Variants in PTCD2 observed in about 807,000 individuals in gnomAD.
PTCD2 encodes the protein pentatricopeptide repeat-containing protein 2, mitochondrial.
In PTCD2, 31 loss-of-function variants were observed where a neutral mutation model predicts 42.6. The observed-to-expected ratio is 0.73, with a 90% CI of 0.55 to 0.98. The LOEUF (loss-of-function observed/expected upper bound fraction) is 0.98. Among genes scored for constraint, PTCD2 ranks in the 50% least tolerant of loss-of-function variants. The pLI, the probability that PTCD2 is intolerant of heterozygous loss-of-function variation, is 0.00. For missense variants in PTCD2, 476 were observed against 454.8 expected (o/e 1.05, Z -0.42); for synonymous variants, 183 against 170.9 (o/e 1.07, Z -0.55).
intron 6 of PTCD2, among the ~76,000 whole-genome samples, chr5:72,337,491 C>T (rs558945893): frequency 9.2e-5 from 14 of 152,022 alleles, no homozygotes; most frequent in Admixed American, 4.6e-4. Context: ...ACTGCAATGA[C>T]GAGAATTTCA....
intron 1 of PTCD2, 111 bp from the exon 2 acceptor site, chr5:72,322,061 C>G (rs904702471): frequency 6.9e-5 from 44 of 633,844 alleles, no homozygotes; most frequent in Non-Finnish European, 1.2e-4. Flanking sequence ...TTGTACCTGT[C>G]TAATGGATTA....
At chr5:72,348,489 G>T (rs1752469840) in intron 8 of PTCD2, among the ~76,000 whole-genome samples, 1 of 152,138 alleles carries the variant, frequency 6.6e-6, no homozygotes, top group Non-Finnish European at 1.5e-5. Context: ...GTGACCCAGA[G>T]GGCCCAGTTT....
chr5:72,347,689 A>G (rs1752427751), intron 8 of PTCD2, among the ~76,000 whole-genome samples: 1 of 152,186 alleles, frequency 6.6e-6, no homozygotes, highest in African/African-American at 2.4e-5. Context: ...TCTGCCTCCA[A>G]CAACAACAAA....
chr5:72,321,735 T>C (rs7729376), intron 1 of PTCD2, among the ~76,000 whole-genome samples: 103,612 of 152,126 alleles, frequency 0.68, 36,569 homozygotes, highest in African/African-American at 0.87. Flanking sequence ...CCAGTGGTCA[T>C]GCTGCAGCTT....
chr5:72,326,783 T>TA, intron 3 of PTCD2, 42 bp downstream of exon 3: 1 of 1,597,038 alleles, frequency 6.3e-7, no homozygotes, highest in Non-Finnish European at 8.6e-7. Context: ...TATCCCTTCT[T>TA]ACTCTGTTCC....
intron 3 of PTCD2, among the ~76,000 whole-genome samples, chr5:72,328,700 A>T (rs1751271556): frequency 6.6e-6 from 1 of 151,696 alleles, no homozygotes; most frequent in Non-Finnish European, 1.5e-5. Context: ...CTGTGTAATT[A>T]TTTTCTAAAT....
chr5:72,347,944 A>G (rs1752441622), intron 8 of PTCD2, among the ~76,000 whole-genome samples: 1 of 152,194 alleles, frequency 6.6e-6, no homozygotes, highest in African/African-American at 2.4e-5. Flanking sequence ...CAAGGACTCC[A>G]TAAGTAACTT....
At chr5:72,352,471 G>C (rs530224636) in intron 8 of PTCD2, among the ~76,000 whole-genome samples, 170 bp from the exon 9 acceptor site, 1 of 152,150 alleles carries the variant, frequency 6.6e-6, no homozygotes, top group Non-Finnish European at 1.5e-5. Flanking sequence ...ATTTTGGCTC[G>C]TAAGTGTACA....
At chr5:72,347,186 C>G (rs1210767797) in intron 8 of PTCD2, among the ~76,000 whole-genome samples, 1 of 152,054 alleles carries the variant, frequency 6.6e-6, no homozygotes, top group Non-Finnish European at 1.5e-5. Context: ...ACTGCGAAGC[C>G]TAGGGTTTCC....
chr5:72,354,302 G>A (rs1445263807), intron 9 of PTCD2, among the ~76,000 whole-genome samples: 3 of 146,496 alleles, frequency 2.0e-5, no homozygotes, highest in South Asian at 2.2e-4. Context: ...TCAGGAGGCC[G>A]AGGCACGAGA....
rs767098366 is a variant in PTCD2 at position 72,358,340 on chromosome 5, C to G, written c.1080C>G (p.Asp360Glu). ...LDAVLCHTPR[D>E]RKSHTLLLNK... ...CTGTGCTCTGCCACACCCCCAGGGA[C>G]AGGAAATCTCACACGTTGCTATTAA... Residue 360 changes from aspartate to glutamate, a missense_variant, in exon 10 of 10, where the codon GAC becomes GAG. Coordinates refer to ENST00000380639, the MANE Select transcript of PTCD2 (RefSeq NM_024754.5). 2.5e-6 allele frequency: 4 copies of G among 1,614,068 alleles called. No homozygotes were observed. The highest frequency in any genetic ancestry group is 1.7e-5 in the Admixed American group (1 of 60,010).
At chr5:72,357,338 T>A (rs1284431151) in intron 9 of PTCD2, among the ~76,000 whole-genome samples, 4 of 152,198 alleles carry the variant, frequency 2.6e-5, no homozygotes, top group Admixed American at 6.5e-5. Context: ...ATAAGTCCTT[T>A]CAGTGTAAAC....
intron 2 of PTCD2, among the ~76,000 whole-genome samples, chr5:72,325,627 T>A (rs1751097214): frequency 6.6e-6 from 1 of 152,230 alleles, no homozygotes; most frequent in Non-Finnish European, 1.5e-5. Flanking sequence ...ATCTCAAACC[T>A]AGTAGGTCTT....
rs1753068652 is a variant in PTCD2, at chr5:72,360,555, C to T, written c.*2128C>T. 1 of 152,018 alleles carries T rather than the reference C, an allele frequency of 6.6e-6. No individual in the cohort carries two copies. Among genetic ancestry groups the T allele is most frequent in the Admixed American group, 6.6e-5 (1 of 15,252 alleles). The allele number at this position is 152,018 out of a possible 1,614,324, so 9.4% of individuals were successfully genotyped here. A position where few individuals can be genotyped will look rare whatever the true frequency, so the allele number is the denominator to read the frequency against. On this transcript the variant is annotated 3_prime_UTR_variant, in exon 10 of 10. Transcript: ENST00000380639. ...AGATGATTTTAAAGTCTTAAAAGTC[C>T]AATAAAACAGTGTTCAGTATAGGTT...
intron 2 of PTCD2, among the ~76,000 whole-genome samples, chr5:72,322,887 C>T (rs1018426523): frequency 1.3e-5 from 2 of 152,202 alleles, no homozygotes; most frequent in African/African-American, 4.8e-5. Flanking sequence ...GGCATGATGG[C>T]TCATGCCTGT....
chr5:72,338,708 T>C lies in PTCD2; in HGVS notation c.726T>C (p.Cys242=). Reference sequence around the variant, plus strand: ...AAATTCTCTCCAGGAGAGCATCCTGTTTCGCTGTGGCATTAGCTCTGAATC... The same window carrying C: ...AAATTCTCTCCAGGAGAGCATCCTGCTTCGCTGTGGCATTAGCTCTGAATC... ...KGEILSRRAS[C]FAVALALNQN... is the part of the protein sequence containing the mutation. The change falls in exon 7 of 10, where the codon TGT becomes TGC. Residue 242 remains cysteine (C), a synonymous_variant. Transcript: ENST00000380639. The C allele has an allele frequency of 6.2e-7, 1 of 1,611,050 alleles. No homozygotes were observed. The highest frequency in any genetic ancestry group is 1.1e-5 in the South Asian group (1 of 90,928).
chr5:72,338,643 A>G lies in PTCD2; in HGVS notation c.661A>G (p.Ile221Val). The G allele has an allele frequency of 6.2e-7, 1 of 1,606,714 alleles. No homozygotes were observed. The highest frequency in any genetic ancestry group is 1.7e-5 in the Admixed American group (1 of 59,680). The part of the protein sequence containing the change: ...YKLNSPESFK[I>V]CTTLREEALL... ...ACAGAATAGCCCTGAGTCTTTCAAA[A>G]TCTGTACTACATTAAGAGAAGAAGC... The change falls in exon 7 of 10, where the codon ATC becomes GTC. Residue 221 changes from isoleucine to valine, a missense_variant. Physicochemically the swap from Ile to Val is conservative, Grantham distance 29 (BLOSUM62 3). Transcript: ENST00000380639.
rs1753132351 is a variant in PTCD2 at position 72,363,282 on chromosome 5, G to A, written c.*4855G>A. On this transcript the variant is annotated 3_prime_UTR_variant, in exon 10 of 10. Coordinates refer to ENST00000380639, the MANE Select transcript of PTCD2 (RefSeq NM_024754.5). ...ACCTGAACAGGCATCAGAATCACTT[G>A]GAGAGCTTGTTAAAATACAGATTGA... 6.6e-6 allele frequency: 1 copy of A among 152,190 alleles called. No individual in the cohort carries two copies. Among genetic ancestry groups the A allele is most frequent in the Non-Finnish European group, 1.5e-5 (1 of 68,034 alleles). The allele number at this position is 152,190 out of a possible 1,614,324, so 9.4% of individuals were successfully genotyped here.
At chr5:72,354,086 A>T (rs1408971581) in intron 9 of PTCD2, among the ~76,000 whole-genome samples, 1 of 152,184 alleles carries the variant, frequency 6.6e-6, no homozygotes, top group Non-Finnish European at 1.5e-5. Context: ...TACTGACAAA[A>T]GGCTAACTAG....
Sources: allele counts gnomAD v4.1 joint callset (sites outside exome capture counted in the v4.1 genomes callset), GRCh38; gene constraint gnomAD v4.1.1; transcripts MANE v1.5; gene names NCBI Gene and HGNC (gene_info 2026-07-23, HGNC 2026-07-21).